ARHGEF9: variants seen among roughly 807,000 people sequenced by gnomAD.
ARHGEF9 encodes the protein Cdc42 guanine nucleotide exchange factor 9.
ARHGEF9 carries 2 observed loss-of-function variants against 41.3 expected under a neutral mutation model. The ratio of observed to expected loss-of-function variants is 0.05; its 90% CI spans 0.02 to 0.15. The LOEUF (loss-of-function observed/expected upper bound fraction) is 0.15, where lower values mean the gene tolerates loss of function less well. Ranked by LOEUF, ARHGEF9 falls within the 10% of genes least tolerant of loss-of-function variation. The pLI is 1.00. For synonymous variants in ARHGEF9, 160 were observed against 154.4 expected (o/e 1.04, Z -0.27); for missense variants, 225 against 424.7 (o/e 0.53, Z 4.13).
chrX:63,690,678 C>CA (rs1430703788), intron 4 of ARHGEF9, among the ~76,000 whole-genome samples: 1 of 111,043 alleles, frequency 9.0e-6, no homozygotes, highest in Non-Finnish European at 1.9e-5. Flanking sequence ...AAAAACACAT[C>CA]AAAAAAAGAA....
intron 4 of ARHGEF9, among the ~76,000 whole-genome samples, chrX:63,693,643 A>G (rs7062181): frequency 0.037 from 3,969 of 107,135 alleles, 186 homozygotes; most frequent in African/African-American, 0.13. Context: ...CATGTACCCC[A>G]TAAATAAGTA....
intron 3 of ARHGEF9, 99 bp downstream of exon 3, chrX:63,706,159 C>T (rs1466589901): frequency 1.6e-5 from 15 of 930,916 alleles, no homozygotes; most frequent in Non-Finnish European, 2.3e-5. Context: ...ATCTGGGAGG[C>T]TATGTGCCCT....
At chrX:63,640,585 A>G (rs1469635234) in intron 9 of ARHGEF9, 2 of 112,159 alleles carry the variant, frequency 1.8e-5, no homozygotes, top group African/African-American at 3.2e-5. Context: ...AAGAAGTTAT[A>G]TATCAATACT....
Position 63,697,049 on chromosome X carries a change from A to C in ARHGEF9, c.582+76T>G, listed in dbSNP as rs1431338860. ...CTGCAGGAAAAAGGAGCTGAACAGA[A>C]CCAGACAGCTCAAACGCTCCTTCCA... On this transcript the variant is annotated intron_variant, in intron 4 of 9. Coordinates refer to ENST00000671741, the MANE Select transcript of ARHGEF9 (RefSeq NM_001353921.2). The C allele has an allele frequency of 1.7e-5, 18 of 1,089,815 alleles. No individual in the cohort carries two copies. In the East Asian group the frequency reaches 2.9e-4, roughly 18 times the overall value. The allele number at this position is 1,089,815 out of a possible 1,213,427, so 89.8% of individuals were successfully genotyped here.
intron 2 of ARHGEF9, among the ~76,000 whole-genome samples, chrX:63,707,941 T>C (rs782297899): frequency 1.8e-5 from 2 of 112,091 alleles, no homozygotes; most frequent in Non-Finnish European, 3.8e-5. Flanking sequence ...TGTTTTTATG[T>C]ATTTTGTATA....
chrX:63,705,357 ATGTGTGTGTGTGTGTGTGTGTGTG>A (rs58549005), intron 3 of ARHGEF9, among the ~76,000 whole-genome samples: 1 of 82,102 alleles, frequency 1.2e-5, no homozygotes, highest in Admixed American at 1.4e-4. Flanking sequence ...ATAAGAGAGA[ATGTGTGTGTGTGTGTGTGTGTGTG>A]TGTGTGTGTG....
intron 3 of ARHGEF9, among the ~76,000 whole-genome samples, chrX:63,702,031 T>C (rs2052218538): frequency 8.9e-6 from 1 of 112,685 alleles, no homozygotes; most frequent in Admixed American, 9.4e-5. Flanking sequence ...CCCAAATGGC[T>C]AATACGTTTG....
At chrX:63,647,358 G>A (rs1481589433) in intron 8 of ARHGEF9, among the ~76,000 whole-genome samples, 1 of 111,812 alleles carries the variant, frequency 8.9e-6, no homozygotes, top group Non-Finnish European at 1.9e-5. Flanking sequence ...TATGATATCG[G>A]CTGTGGGTTT....
At chrX:63,648,950 A>G (rs1465861453) in intron 8 of ARHGEF9, among the ~76,000 whole-genome samples, 13 of 110,675 alleles carry the variant, frequency 1.2e-4, no homozygotes, top group Non-Finnish European at 2.5e-4. Context: ...GATTCATAAA[A>G]CAAGTCCTTA....
At chrX:63,775,934 C>A (rs1556458183) in intron 1 of ARHGEF9, among the ~76,000 whole-genome samples, 1 of 111,229 alleles carries the variant, frequency 9.0e-6, no homozygotes, top group African/African-American at 3.3e-5. Flanking sequence ...CGTTCTTGCT[C>A]CCCTATTTCC....
chrX:63,756,445 G>A (rs2055930749), intron 1 of ARHGEF9, among the ~76,000 whole-genome samples: 1 of 111,799 alleles, frequency 8.9e-6, no homozygotes, highest in Non-Finnish European at 1.9e-5. Context: ...CTGATGAATG[G>A]GTAAACAAAA....
chrX:63,772,986 C>T (rs1232971290), intron 1 of ARHGEF9, among the ~76,000 whole-genome samples: 6 of 111,689 alleles, frequency 5.4e-5, no homozygotes, highest in African/African-American at 2.0e-4. Flanking sequence ...ACACAACTGA[C>T]TCAGCTGAAA....
chrX:63,731,555 T>G (rs2054287475), intron 1 of ARHGEF9, among the ~76,000 whole-genome samples: 1 of 95,369 alleles, frequency 1.0e-5, no homozygotes, highest in African/African-American at 3.9e-5. Context: ...TGTCTCAGTT[T>G]TTTTTTTTTT....
intron 3 of ARHGEF9, among the ~76,000 whole-genome samples, chrX:63,705,013 G>A (rs782779969): frequency 1.2e-4 from 14 of 112,287 alleles, no homozygotes; most frequent in African/African-American, 4.2e-4. Flanking sequence ...ACAGATATAT[G>A]GTTACCTAAA....
intron 2 of ARHGEF9, among the ~76,000 whole-genome samples, chrX:63,710,416 T>C (rs1451295488): frequency 9.7e-6 from 1 of 102,836 alleles, no homozygotes; most frequent in Non-Finnish European, 2.0e-5. Flanking sequence ...AACAAAAATA[T>C]AGAAATCCTC....
Position 63,706,341 on chromosome X carries a change from G to A in ARHGEF9, c.319C>T (p.Arg107Trp), listed in dbSNP as rs1556401755. ...ATGACATTGGCCCGCATCTGGTCCC[G>A]GTTCTGTAGTGGCCGCCCCAGACAG... is the stretch of plus-strand genomic sequence containing the variant. ...CLCLGRPLQN[R>W]DQMRANVINE... is the part of the protein sequence containing the mutation. Residue 107 changes from arginine (R) to tryptophan (W), a missense_variant, in exon 3 of 10, where the codon CGG becomes TGG. Physicochemically the swap from Arg to Trp is moderately radical, Grantham distance 101 (BLOSUM62 -3). Around this residue, in one of 3 missense-constraint regions of ARHGEF9, gnomAD observed 114 missense variants for 197.9 expected, o/e 0.58. Transcript: ENST00000671741. 2.5e-6 allele frequency: 3 copies of A among 1,207,173 alleles called. No homozygotes were observed. The highest frequency in any genetic ancestry group is 3.4e-6 in the Non-Finnish European group (3 of 893,261).
intron 7 of ARHGEF9, among the ~76,000 whole-genome samples, chrX:63,660,066 G>A (rs1458349817): frequency 3.6e-5 from 4 of 111,714 alleles, no homozygotes; most frequent in Middle Eastern, 4.6e-3. Context: ...AATATAAATC[G>A]TTCTACCACA....
chrX:63,726,072 T>C (rs1556416769), intron 1 of ARHGEF9, among the ~76,000 whole-genome samples: 1 of 112,085 alleles, frequency 8.9e-6, no homozygotes, highest in African/African-American at 3.2e-5. Context: ...CACATGCTGA[T>C]CTTTGACTTA....
At position 63,706,290 on chromosome X, in the gene ARHGEF9, G is replaced by T; in HGVS notation, c.370C>A (p.His124Asn). ...VINEIMSTER[H>N]YIKHLKDICE... The stretch of plus-strand genomic sequence containing the variant: ...ATATCCTTGAGGTGCTTGATGTAGT[G>T]ACGCTCAGTGCTCATTATCTCATTG... Residue 124 changes from histidine (H) to asparagine (N), a missense_variant, in exon 3 of 10, where the codon CAC becomes AAC. By Grantham distance (68) the His-to-Asn change is moderately conservative (BLOSUM62 1). This residue lies in a region of ARHGEF9 where 114 missense variants were observed against 197.9 expected (regional missense o/e 0.58). Coordinates refer to ENST00000671741, the MANE Select transcript of ARHGEF9 (RefSeq NM_001353921.2). 8.3e-7 allele frequency: 1 copy of T among 1,204,833 alleles called. No homozygotes were observed. Among genetic ancestry groups the T allele is most frequent in the Non-Finnish European group, 1.1e-6 (1 of 892,037 alleles).
Sources: allele counts gnomAD v4.1 joint callset (sites outside exome capture counted in the v4.1 genomes callset), GRCh38; gene constraint gnomAD v4.1.1; regional missense constraint gnomAD v4.1.1; transcripts MANE v1.5; gene names NCBI Gene and HGNC (gene_info 2026-07-23, HGNC 2026-07-21).